CUX2: variants seen among roughly 807,000 people sequenced by gnomAD.
CUX2 encodes the protein homeobox protein cut-like 2.
In CUX2, 40 loss-of-function variants were observed where a neutral mutation model predicts 144.8. The observed-to-expected ratio is 0.28, with a 90% CI of 0.21 to 0.36. The LOEUF (loss-of-function observed/expected upper bound fraction) is 0.36, where lower values mean the gene tolerates loss of function less well. CUX2 is among the 10% of genes least tolerant of loss of function. CUX2 has a pLI of 1.00. For synonymous variants in CUX2, 827 were observed against 875.6 expected, an observed-to-expected ratio of 0.94 and a Z score of 0.98; for missense variants, 1,615 against 1,994.0, an observed-to-expected ratio of 0.81 and a Z score of 3.62.
At chr12:111,090,725 G>C (rs375926008) in intron 1 of CUX2, among the ~76,000 whole-genome samples, 1 of 151,936 alleles carries the variant, frequency 6.6e-6, no homozygotes, top group South Asian at 2.1e-4. Context: ...TCACCAAGAG[G>C]CCCCTCATGT....
chr12:111,299,657 T>C (rs1053536057), intron 9 of CUX2, among the ~76,000 whole-genome samples: 1 of 152,194 alleles, frequency 6.6e-6, no homozygotes, highest in Non-Finnish European at 1.5e-5. Context: ...GAAATGATCA[T>C]TAAGTAAGCC....
At chr12:111,036,194 T>C (rs1869435961) in intron 1 of CUX2, among the ~76,000 whole-genome samples, 1 of 152,234 alleles carries the variant, frequency 6.6e-6, no homozygotes, top group Non-Finnish European at 1.5e-5. Context: ...TATTCTGGGC[T>C]GGAGAAAATT....
At chr12:111,305,672 A>C (rs1886542184) in intron 10 of CUX2, among the ~76,000 whole-genome samples, 1 of 152,122 alleles carries the variant, frequency 6.6e-6, no homozygotes, top group Non-Finnish European at 1.5e-5. Flanking sequence ...CTCTGAAAAA[A>C]AAAATGGATT....
chr12:111,240,805 T>A (rs548044732), intron 3 of CUX2, among the ~76,000 whole-genome samples: 1 of 152,228 alleles, frequency 6.6e-6, no homozygotes, highest in African/African-American at 2.4e-5. Flanking sequence ...GACATTTGGG[T>A]TTTTGCTCTC....
intron 1 of CUX2, among the ~76,000 whole-genome samples, chr12:111,140,117 T>C (rs2136122137): frequency 6.6e-6 from 1 of 152,306 alleles, no homozygotes; most frequent in East Asian, 1.9e-4. Context: ...CCACTCCCTG[T>C]CCCTCACTGT....
intron 1 of CUX2, among the ~76,000 whole-genome samples, chr12:111,045,946 C>T (rs1052851607): frequency 6.6e-6 from 1 of 152,198 alleles, no homozygotes; most frequent in African/African-American, 2.4e-5. Flanking sequence ...CGTTGTTTGT[C>T]ATTCACCTCC....
chr12:111,048,566 C>T (rs1009740164), intron 1 of CUX2, among the ~76,000 whole-genome samples: 2 of 152,140 alleles, frequency 1.3e-5, no homozygotes, highest in African/African-American at 4.8e-5. Context: ...CTCTCCTGGA[C>T]ATAGAGCTGG....
chr12:111,331,901 G>A (rs570045785), intron 18 of CUX2, among the ~76,000 whole-genome samples: 3 of 151,958 alleles, frequency 2.0e-5, no homozygotes, highest in African/African-American at 4.8e-5. Context: ...CCAATATGGC[G>A]AAACCCCATC....
intron 3 of CUX2, among the ~76,000 whole-genome samples, chr12:111,227,205 A>G (rs747831783): frequency 2.6e-5 from 4 of 152,224 alleles, no homozygotes; most frequent in Non-Finnish European, 5.9e-5. Flanking sequence ...TCATGCGTTC[A>G]GGAAGGATTT....
At chr12:111,075,567 G>A (rs1402936316) in intron 1 of CUX2, among the ~76,000 whole-genome samples, 1 of 152,144 alleles carries the variant, frequency 6.6e-6, no homozygotes, top group Non-Finnish European at 1.5e-5. Context: ...AGAGGGAGCT[G>A]CTCACCTTCC....
intron 16 of CUX2, among the ~76,000 whole-genome samples, chr12:111,318,822 G>A (rs999738696): frequency 7.2e-5 from 11 of 151,814 alleles, no homozygotes; most frequent in South Asian, 4.2e-4. Flanking sequence ...GAGCCACCAC[G>A]CCTGGCTAAT....
At chr12:111,169,066 A>G (rs1200065614) in intron 1 of CUX2, among the ~76,000 whole-genome samples, 1 of 152,168 alleles carries the variant, frequency 6.6e-6, no homozygotes, top group Non-Finnish European at 1.5e-5. Context: ...ATTTAGAAAC[A>G]GGGTCTCTGC....
At chr12:111,298,322 G>A (rs1473177559) in intron 8 of CUX2, among the ~76,000 whole-genome samples, 2 of 152,198 alleles carry the variant, frequency 1.3e-5, no homozygotes, top group African/African-American at 4.8e-5. Context: ...GTGGCCCCTG[G>A]GGGAGAGGGG....
intron 10 of CUX2, among the ~76,000 whole-genome samples, chr12:111,306,663 C>T (rs1459559459): frequency 3.3e-5 from 5 of 152,222 alleles, no homozygotes; most frequent in Non-Finnish European, 7.3e-5. Flanking sequence ...ACCCAATCCC[C>T]AACCTCAGCT....
chr12:111,337,528 G>A (rs949322431), intron 19 of CUX2, among the ~76,000 whole-genome samples: 2 of 152,158 alleles, frequency 1.3e-5, no homozygotes, highest in African/African-American at 4.8e-5. Context: ...CCACTTTCCT[G>A]CTGCCTCTAA....
At chr12:111,200,835 T>C (rs1213775814) in intron 1 of CUX2, among the ~76,000 whole-genome samples, 3 of 152,188 alleles carry the variant, frequency 2.0e-5, no homozygotes, top group Admixed American at 2.0e-4. Context: ...TATGAATGCT[T>C]CCATCTTCGT....
intron 1 of CUX2, among the ~76,000 whole-genome samples, chr12:111,143,833 G>A (rs921145560): frequency 6.6e-6 from 1 of 152,192 alleles, no homozygotes; most frequent in African/African-American, 2.4e-5. Flanking sequence ...AAGCTCTGGG[G>A]ACTCAGTTTC....
chr12:111,095,045 C>T (rs1040189167), intron 1 of CUX2, among the ~76,000 whole-genome samples: 1 of 152,096 alleles, frequency 6.6e-6, no homozygotes, highest in African/African-American at 2.4e-5. Context: ...GAGGGTCAGC[C>T]GCAAGCACCC....
intron 1 of CUX2, among the ~76,000 whole-genome samples, chr12:111,090,802 C>CAG (rs1350441452): frequency 5.3e-5 from 8 of 152,172 alleles, no homozygotes; most frequent in Non-Finnish European, 1.2e-4. Context: ...ATCAGCTGAA[C>CAG]AGAGATGCTA....
Sources: gnomAD v4.1 joint callset for allele counts (sites outside exome capture counted in the v4.1 genomes callset) on GRCh38, gnomAD v4.1.1 for gene constraint, MANE v1.5 for transcripts, NCBI Gene and HGNC (gene_info 2026-07-23, HGNC 2026-07-21) for gene names.